The following ZC3H18 variants were observed in gnomAD, a reference collection of about 807,000 sequenced individuals.
The protein encoded by ZC3H18 is zinc finger CCCH-type containing 18.
Under a neutral mutation model 106.1 loss-of-function variants are expected in ZC3H18, and 8 were observed. The ratio of observed to expected loss-of-function variants is 0.08; its 90% confidence interval spans 0.04 to 0.14. ZC3H18 has a LOEUF of 0.14. ZC3H18 is among the 10% of genes least tolerant of loss of function. ZC3H18 has a pLI of 1.00. For synonymous variants in ZC3H18, 635 were observed against 522.1 expected, an observed-to-expected ratio of 1.22 and a Z score of -2.95; for missense variants, 1,318 against 1,278.4, an observed-to-expected ratio of 1.03 and a Z score of -0.47.
chr16:88,598,032 TC>T (rs946516616), intron 3 of ZC3H18, 145 bp from the exon 4 acceptor site: 1 of 580,162 alleles, frequency 1.7e-6, no homozygotes, highest in African/African-American at 2.0e-5. Flanking sequence ...CCCGCCCACC[TC>T]CCCGTTCAGT....
intron 6 of ZC3H18, among the ~76,000 whole-genome samples, chr16:88,601,955 AAAGAGCATCT>A (rs886848215): frequency 3.3e-5 from 5 of 152,218 alleles, no homozygotes; most frequent in African/African-American, 1.2e-4. Context: ...TGATTGTCAC[AAAGAGCATCT>A]AAGGGAAGGG....
intron 2 of ZC3H18, among the ~76,000 whole-genome samples, chr16:88,582,343 G>A (rs1031043349): frequency 7.0e-6 from 1 of 143,310 alleles, no homozygotes; most frequent in Non-Finnish European, 1.5e-5. Context: ...TCCTGCCTTA[G>A]CCTCCCGATT....
chr16:88,626,423 A>G (rs919346474), intron 13 of ZC3H18: 8 of 152,220 alleles, frequency 5.3e-5, no homozygotes, highest in African/African-American at 1.9e-4. Context: ...GTTTTAAAAG[A>G]AAGTATTAAA....
At position 88,577,092 on chromosome 16, in the gene ZC3H18, G is replaced by A. The variant is rs1914798843; in HGVS notation, c.-14-18G>A. 1 of 1,509,456 alleles carries A rather than the reference G, an allele frequency of 6.6e-7. No homozygotes were observed. Among genetic ancestry groups the A allele is most frequent in the Non-Finnish European group, 8.9e-7 (1 of 1,129,246 alleles). The allele number at this position is 1,509,456 out of a possible 1,614,324, so 93.5% of individuals were successfully genotyped here. On this transcript the variant is annotated intron_variant, in intron 1 of 17. Transcript: ENST00000301011. Reference sequence around the variant, plus strand: ...CCATTTTGCTAAAGGCTGTCAATCTGTATTCTCTCTTTTGCAGAACCGTGG... The same window carrying A: ...CCATTTTGCTAAAGGCTGTCAATCTATATTCTCTCTTTTGCAGAACCGTGG...
chr16:88,587,102 G>A (rs1161850745), intron 3 of ZC3H18, among the ~76,000 whole-genome samples: 10 of 152,206 alleles, frequency 6.6e-5, no homozygotes, highest in Admixed American at 2.6e-4. Flanking sequence ...AGATGTGTCC[G>A]AAGCGTTTGT....
rs2142677428 is a variant in ZC3H18, at chr16:88,598,849, C to G, written c.930+137C>G. On this transcript the variant is annotated intron_variant, in intron 5 of 17. Transcript: ENST00000301011. ...AGGCGTCTGTTTCTGTGGTGTCTTT[C>G]TTTATTTTTTATTTATTTATTTTTT... 5 of 720,032 alleles carry G rather than the reference C, an allele frequency of 6.9e-6. No individual in the cohort carries two copies. The East Asian group carries it at 9.0e-5, about 13-fold the overall frequency. The allele number at this position is 720,032 out of a possible 1,614,324, so 44.6% of individuals were successfully genotyped here. A position where few individuals can be genotyped will look rare whatever the true frequency, so the allele number is the denominator to read the frequency against.
chr16:88,616,996 C>G (rs114203452), intron 8 of ZC3H18, among the ~76,000 whole-genome samples: 6 of 152,216 alleles, frequency 3.9e-5, no homozygotes, highest in African/African-American at 9.6e-5. Context: ...GCGGGAGGAG[C>G]GAGAGTCGGC....
chr16:88,625,426 G>A (rs914269425), intron 13 of ZC3H18, 159 bp downstream of exon 13: 198 of 826,822 alleles, frequency 2.4e-4, no homozygotes, highest in Non-Finnish European at 1.1e-4. Context: ...TTGAAGCTTT[G>A]ACACAGGAGA....
rs763859632 is a variant in ZC3H18 at position 88,624,047 on chromosome 16, C to T, written c.1883C>T (p.Pro628Leu). 74 of 1,612,418 alleles carry T rather than the reference C, an allele frequency of 4.6e-5. No homozygotes were observed. Among genetic ancestry groups the T allele is most frequent in the Non-Finnish European group, 6.0e-5 (71 of 1,179,258 alleles). Residue 628 changes from proline (P) to leucine (L), a missense_variant, in exon 11 of 18, where the codon CCG becomes CTG. Physicochemically the swap from Pro to Leu is moderately conservative, Grantham distance 98 (BLOSUM62 -3). Coordinates refer to ENST00000301011, the MANE Select transcript of ZC3H18 (RefSeq NM_144604.4). ...SIRTKGEPAPPPGKAGEKSVK... is the reference protein window; with the variant it reads ...SIRTKGEPAPLPGKAGEKSVK... ...AGAACCAAGGGAGAGCCGGCCCCGC[C>T]GCCCGGGAAAGCAGGGTGAGTGCCC...
At chr16:88,598,490 G>A in intron 4 of ZC3H18, 130 bp from the exon 5 acceptor site, 1 of 1,443,206 alleles carries the variant, frequency 6.9e-7, no homozygotes, top group Non-Finnish European at 9.5e-7. Context: ...CGAGGACGGA[G>A]TGAGGCTTGG....
chr16:88,595,099 T>C (rs572348686), intron 3 of ZC3H18, among the ~76,000 whole-genome samples: 1 of 152,288 alleles, frequency 6.6e-6, no homozygotes, highest in East Asian at 1.9e-4. Context: ...TGCAGTGAGC[T>C]GAGATTGTGC....
At chr16:88,585,327 A>G (rs1430502696) in intron 2 of ZC3H18, among the ~76,000 whole-genome samples, 1 of 152,258 alleles carries the variant, frequency 6.6e-6, no homozygotes, top group Admixed American at 6.5e-5. Context: ...TCGTAAATCC[A>G]GGGTTTGGTT....
rs1915462370 is a variant in ZC3H18, at chr16:88,586,770, T to A, written c.688+86T>A. Reference sequence around the variant, plus strand: ...GGTGCTGGCTCACCTTGCCAGGCCCTGCTCTGCTCAAGGCAGTTCTCTGGG... The same window carrying A: ...GGTGCTGGCTCACCTTGCCAGGCCCAGCTCTGCTCAAGGCAGTTCTCTGGG... On this transcript the variant is annotated intron_variant, in intron 3 of 17. Coordinates refer to ENST00000301011, the MANE Select transcript of ZC3H18 (RefSeq NM_144604.4). 2.8e-6 allele frequency: 3 copies of A among 1,068,998 alleles called. No individual in the cohort carries two copies. In the Admixed American group the frequency reaches 5.7e-5, roughly 20 times the overall value. 66.2% of individuals were successfully genotyped at this position (1,068,998 alleles called of 1,614,324 possible).
chr16:88,607,869 C>T (rs1905086928), intron 6 of ZC3H18, among the ~76,000 whole-genome samples: 1 of 152,244 alleles, frequency 6.6e-6, no homozygotes, highest in South Asian at 2.1e-4. Flanking sequence ...CACTTATTCA[C>T]ACACACTTTG....
intron 6 of ZC3H18, among the ~76,000 whole-genome samples, chr16:88,601,502 G>T (rs577614683): frequency 6.6e-6 from 1 of 152,210 alleles, no homozygotes; most frequent in East Asian, 1.9e-4. Flanking sequence ...GGTTCGGCAG[G>T]TCTCTGAGGT....
chr16:88,594,718 A>G (rs1237793556), intron 3 of ZC3H18, among the ~76,000 whole-genome samples: 2 of 152,216 alleles, frequency 1.3e-5, no homozygotes, highest in African/African-American at 2.4e-5. Flanking sequence ...CCCTGGAGGC[A>G]TGGGATAGGT....
rs1179749556 is a variant in ZC3H18 at position 88,602,849 on chromosome 16, C to CTTCT, written c.1088+2901_1088+2902insTTCT. 4.6e-5 allele frequency among the ~76,000 whole-genome samples: 7 copies of CTTCT among 152,328 alleles called. No homozygotes were observed. The East Asian group carries it at 1.4e-3, about 29-fold the overall frequency. ...ATTGTCACATAGAAGCACCTTCATGCAGGCAGGCTTTGCTTACTACAGGAT... is the reference window on the plus strand; with the variant it reads ...ATTGTCACATAGAAGCACCTTCATGCTTCTAGGCAGGCTTTGCTTACTACAGGAT... On this transcript the variant is annotated intron_variant, in intron 6 of 17. Coordinates refer to ENST00000301011, the MANE Select transcript of ZC3H18 (RefSeq NM_144604.4).
intron 3 of ZC3H18, among the ~76,000 whole-genome samples, chr16:88,594,976 A>C (rs1392760857): frequency 1.3e-5 from 2 of 151,856 alleles, no homozygotes; most frequent in Non-Finnish European, 2.9e-5. Context: ...ACATGGAGAA[A>C]CCTCGTTTCT....
In ZC3H18 at chr16:88,631,394, T is replaced by C; in HGVS notation, c.*95T>C. 1 of 1,474,172 alleles carries C rather than the reference T, an allele frequency of 6.8e-7. No individual in the cohort carries two copies. The highest frequency in any genetic ancestry group is 9.1e-7 in the Non-Finnish European group (1 of 1,098,128). 91.3% of individuals were successfully genotyped at this position (1,474,172 alleles called of 1,614,324 possible). On this transcript the variant is annotated 3_prime_UTR_variant, in exon 18 of 18. Coordinates refer to ENST00000301011, the MANE Select transcript of ZC3H18 (RefSeq NM_144604.4). ...TAATGTCTTATTTTGGCTGTGATTC[T>C]TTTTAAAAAGTAAAAAAGAAAAAAA...
Sources: gnomAD v4.1 joint callset for allele counts (sites outside exome capture counted in the v4.1 genomes callset) on GRCh38, gnomAD v4.1.1 for gene constraint, MANE v1.5 for transcripts, NCBI Gene and HGNC (gene_info 2026-07-23, HGNC 2026-07-21) for gene names.